CDH12: variants seen among roughly 807,000 people sequenced by gnomAD.
CDH12 encodes the protein cadherin 12.
CDH12 carries 41 observed loss-of-function variants against 74.1 expected under a neutral mutation model. That is an observed-to-expected ratio of 0.55 (90% CI 0.43 to 0.72). CDH12 has a LOEUF of 0.72. Ranked by LOEUF, CDH12 falls within the 30% of genes least tolerant of loss-of-function variation. The pLI, the probability that CDH12 is intolerant of heterozygous loss-of-function variation, is 0.00. For missense variants in CDH12, 945 were observed against 977.2 expected (o/e 0.97, Z 0.44); for synonymous variants, 399 against 355.0 (o/e 1.12, Z -1.39).
intron 1 of CDH12, among the ~76,000 whole-genome samples, chr5:22,672,461 T>C (rs745702857): frequency 8.6e-5 from 13 of 151,846 alleles, no homozygotes; most frequent in Non-Finnish European, 1.2e-4. Flanking sequence ...TATGGGGAGT[T>C]GGTTAGTTAT....
intron 8 of CDH12, among the ~76,000 whole-genome samples, chr5:21,837,804 A>G (rs1466252434): frequency 6.6e-6 from 1 of 152,186 alleles, no homozygotes; most frequent in Admixed American, 6.5e-5. Context: ...TGAATTTTTT[A>G]TTCATTCAAA....
intron 2 of CDH12, among the ~76,000 whole-genome samples, chr5:22,502,383 C>CTG (rs1034175715): frequency 4.6e-5 from 7 of 152,114 alleles, no homozygotes; most frequent in African/African-American, 1.4e-4. Context: ...CCATGTGGAA[C>CTG]TGTGAGTCCA....
rs75206853 is a variant in CDH12, at chr5:22,649,284, T to C, written c.-522-143920A>G. On this transcript the variant is annotated intron_variant, in intron 1 of 14. Coordinates refer to ENST00000382254, the MANE Select transcript of CDH12 (RefSeq NM_004061.5). ...ATGAATAGGCTTTGTTATTTACCCTTACTTTTCCTTTTGTGAACTGTGTGA... is the reference window on the plus strand; with the variant it reads ...ATGAATAGGCTTTGTTATTTACCCTCACTTTTCCTTTTGTGAACTGTGTGA... Among the ~76,000 whole-genome samples the C allele has an allele frequency of 3.2e-4, 48 of 152,174 alleles. 1 individual carries two copies. In the East Asian group the frequency reaches 9.1e-3, roughly 29 times the overall value.
chr5:22,732,448 A>ATG (rs1203441389), intron 1 of CDH12, among the ~76,000 whole-genome samples: 5 of 126,056 alleles, frequency 4.0e-5, no homozygotes, highest in African/African-American at 1.6e-4. Context: ...ACATATGTGA[A>ATG]TGTGTGTGTA....
At chr5:22,843,618 GTGTGT>G (rs1737174391) in intron 1 of CDH12, among the ~76,000 whole-genome samples, 1 of 57,950 alleles carries the variant, frequency 1.7e-5, no homozygotes, top group Non-Finnish European at 4.7e-5. Context: ...TTTGTGGTGT[GTGTGT>G]GTGTGTGTGT....
chr5:22,364,635 C>T (rs888544204), intron 3 of CDH12, among the ~76,000 whole-genome samples: 4 of 152,166 alleles, frequency 2.6e-5, no homozygotes, highest in Non-Finnish European at 5.9e-5. Flanking sequence ...AAATTTGACT[C>T]AGGCATCTTG....
At chr5:22,818,273 C>G (rs978708068) in intron 1 of CDH12, among the ~76,000 whole-genome samples, 1 of 152,250 alleles carries the variant, frequency 6.6e-6, no homozygotes, top group Non-Finnish European at 1.5e-5. Flanking sequence ...TATCTCACAT[C>G]CTAGACAGCT....
At chr5:22,268,731 G>T (rs1736248486) in intron 3 of CDH12, among the ~76,000 whole-genome samples, 1 of 151,956 alleles carries the variant, frequency 6.6e-6, no homozygotes. Context: ...GTATGATTTG[G>T]CAAGGAGAAA....
chr5:22,322,307 C>T (rs2150438022), intron 3 of CDH12, among the ~76,000 whole-genome samples: 1 of 151,380 alleles, frequency 6.6e-6, no homozygotes, highest in African/African-American at 2.4e-5. Flanking sequence ...TCAGAAGCAG[C>T]AGAAAAGTCA....
chr5:21,875,577 G>GT (rs1277589755), intron 6 of CDH12, among the ~76,000 whole-genome samples: 4 of 146,766 alleles, frequency 2.7e-5, no homozygotes, highest in African/African-American at 1.0e-4. Context: ...AACTTTCAAA[G>GT]CAGTGCCAAT....
intron 4 of CDH12, among the ~76,000 whole-genome samples, chr5:22,103,689 AG>A (rs1355154492): frequency 6.6e-6 from 1 of 152,228 alleles, no homozygotes; most frequent in Non-Finnish European, 1.5e-5. Context: ...AGGCTTTCAA[AG>A]TCACTCATTC....
At chr5:22,013,578 C>T (rs1042404407) in intron 5 of CDH12, among the ~76,000 whole-genome samples, 2 of 152,110 alleles carry the variant, frequency 1.3e-5, no homozygotes, top group African/African-American at 4.8e-5. Flanking sequence ...ATTTGAGGTG[C>T]AGGAACAATA....
chr5:22,294,481 C>G (rs968428744), intron 3 of CDH12, among the ~76,000 whole-genome samples: 2 of 152,108 alleles, frequency 1.3e-5, no homozygotes, highest in Non-Finnish European at 2.9e-5. Flanking sequence ...TGAAGTATCC[C>G]TCAGGGAAAG....
rs112569161 is a variant in CDH12, at chr5:22,285,572, AAC to A, written c.-332-72931_-332-72930del. Among the ~76,000 whole-genome samples the A allele has an allele frequency of 4.1e-3, 627 of 152,244 alleles. 10 individuals carry two copies. The highest frequency in any genetic ancestry group is 0.014 in the African/African-American group (595 of 41,556). ...AATAAACTTGGTTAGAACTTTGCTG[AAC>A]ACTCAGGTGGTATCCACTAAATAAC... On this transcript the variant is annotated intron_variant, in intron 3 of 14. Coordinates refer to ENST00000382254, the MANE Select transcript of CDH12 (RefSeq NM_004061.5).
At chr5:22,297,950 ATTAAC>A (rs979663750) in intron 3 of CDH12, among the ~76,000 whole-genome samples, 2 of 151,902 alleles carry the variant, frequency 1.3e-5, no homozygotes, top group African/African-American at 2.4e-5. Flanking sequence ...TCTTTTAGAT[ATTAAC>A]TTAATTTAAT....
intron 4 of CDH12, among the ~76,000 whole-genome samples, chr5:22,120,906 A>G (rs1332324636): frequency 6.6e-6 from 1 of 152,192 alleles, no homozygotes; most frequent in African/African-American, 2.4e-5. Context: ...ACTTTTCTGG[A>G]GAACCCAATA....
At position 22,162,272 on chromosome 5, in the gene CDH12, G is replaced by A. The variant is rs536326163; in HGVS notation, c.-187+50226C>T. Reference sequence around the variant, plus strand: ...CTAATCTTTATATAGTGTGCTAGTTGCCACCCGTTTCTCTCTCTTTGTCTG... The same window carrying A: ...CTAATCTTTATATAGTGTGCTAGTTACCACCCGTTTCTCTCTCTTTGTCTG... On this transcript the variant is annotated intron_variant, in intron 4 of 14. Transcript: ENST00000382254. Among the ~76,000 whole-genome samples the A allele has an allele frequency of 2.6e-5, 4 of 152,192 alleles. No homozygotes were observed. In the East Asian group the frequency reaches 5.8e-4, roughly 22 times the overall value.
At chr5:22,244,785 AAAG>A (rs1752884640) in intron 3 of CDH12, among the ~76,000 whole-genome samples, 1 of 109,540 alleles carries the variant, frequency 9.1e-6, no homozygotes, top group Non-Finnish European at 2.1e-5. Flanking sequence ...AGAAAGAAAG[AAAG>A]AAAGAAAGAA....
intron 1 of CDH12, among the ~76,000 whole-genome samples, chr5:22,609,130 C>G (rs4409052): frequency 0.62 from 94,388 of 151,966 alleles, 30,007 homozygotes; most frequent in East Asian, 0.88. Context: ...CATCCATCTA[C>G]CCTTTACTTT....
Sources: gnomAD v4.1 joint callset for allele counts (sites outside exome capture counted in the v4.1 genomes callset) on GRCh38, gnomAD v4.1.1 for gene constraint, MANE v1.5 for transcripts, NCBI Gene and HGNC (gene_info 2026-07-23, HGNC 2026-07-21) for gene names.